POU6F1: variants seen among roughly 807,000 people sequenced by gnomAD.
POU6F1 encodes POU class 6 homeobox 1, also known as POU domain, class 6, transcription factor 1.
In POU6F1, 9 loss-of-function variants were observed where a neutral mutation model predicts 28.9. The observed-to-expected ratio is 0.31, with a 90% CI of 0.19 to 0.54. The LOEUF (loss-of-function observed/expected upper bound fraction) is 0.54, where lower values mean the gene tolerates loss of function less well. POU6F1 is among the 20% of genes least tolerant of loss of function. The pLI, the probability that POU6F1 is intolerant of heterozygous loss-of-function variation, is 0.94. For synonymous variants in POU6F1, 173 were observed against 171.1 expected, an observed-to-expected ratio of 1.01 and a Z score of -0.09; for missense variants, 338 against 426.1, an observed-to-expected ratio of 0.79 and a Z score of 1.82.
At chr12:51,192,551 G>A (rs1211279088) in intron 8 of POU6F1, 80 bp from the exon 9 acceptor site, 49 of 1,541,238 alleles carry the variant, frequency 3.2e-5, no homozygotes, top group South Asian at 1.1e-4. Context: ...ACCAGAGGCA[G>A]GGCAAAAACA....
chr12:51,194,658 A>AAAAAAAAG (rs745776880), intron 8 of POU6F1, among the ~76,000 whole-genome samples: 1 of 146,326 alleles, frequency 6.8e-6, no homozygotes. Context: ...AAAAAAAAAA[A>AAAAAAAAG]GCTCATCTGG....
intron 1 of POU6F1, among the ~76,000 whole-genome samples, chr12:51,214,520 C>T (rs971358572): frequency 2.0e-5 from 3 of 152,134 alleles, no homozygotes; most frequent in Non-Finnish European, 2.9e-5. Flanking sequence ...TGCTCCACAC[C>T]GACGCCTGTC....
intron 3 of POU6F1, among the ~76,000 whole-genome samples, 184 bp downstream of exon 3, chr12:51,203,989 C>T (rs567816939): frequency 6.6e-6 from 1 of 152,270 alleles, no homozygotes; most frequent in South Asian, 2.1e-4. Flanking sequence ...AGAACTAAAG[C>T]TCCAGAAACA....
At chr12:51,214,099 G>A (rs1206735287) in intron 1 of POU6F1, among the ~76,000 whole-genome samples, 1 of 151,892 alleles carries the variant, frequency 6.6e-6, no homozygotes, top group Admixed American at 6.6e-5. Context: ...CCGAGATCAT[G>A]CCATTGCACT....
chr12:51,196,449 C>G (rs1942833296), intron 7 of POU6F1, among the ~76,000 whole-genome samples: 1 of 152,206 alleles, frequency 6.6e-6, no homozygotes. Flanking sequence ...TTTCATTGCT[C>G]TGAACCTCAG....
intron 1 of POU6F1, among the ~76,000 whole-genome samples, chr12:51,211,567 ACT>A (rs1943990510): frequency 6.6e-6 from 1 of 151,702 alleles, no homozygotes; most frequent in South Asian, 2.1e-4. Context: ...ATGCAGGGAG[ACT>A]CTGTCTCTAC....
At position 51,198,604 on chromosome 12, in the gene POU6F1, T is replaced by C; in HGVS notation, c.538A>G (p.Thr180Ala). The C allele has an allele frequency of 2.5e-6, 1 of 399,084 alleles. No homozygotes were observed. Among genetic ancestry groups the C allele is most frequent in the Non-Finnish European group, 4.4e-6 (1 of 226,220 alleles). The allele number at this position is 399,084 out of a possible 1,614,324, so 24.7% of individuals were successfully genotyped here. Residue 180 changes from threonine (T) to alanine (A), a missense_variant, in exon 5 of 11, where the codon ACC becomes GCC. Thr to Ala is a moderately conservative substitution (Grantham distance 58). Coordinates refer to ENST00000333640, the MANE Select transcript of POU6F1 (RefSeq NM_001330422.2). ...TATVAALPGL[T>A]AASPTGGVFK... ...ACTCCCCCCGTAGGAGAAGCAGCGG[T>C]CAGTCCTGGGAGGGCAGCCACAGTT... is the stretch of plus-strand genomic sequence containing the variant.
At chr12:51,214,553 G>A (rs1254695069) in intron 1 of POU6F1, among the ~76,000 whole-genome samples, 1 of 152,172 alleles carries the variant, frequency 6.6e-6, no homozygotes, top group Non-Finnish European at 1.5e-5. Flanking sequence ...ACCATGAGCA[G>A]AGATAACAGT....
At chr12:51,198,141 G>A (rs1160511239) in intron 5 of POU6F1, 118 bp from the exon 6 acceptor site, 2 of 397,974 alleles carry the variant, frequency 5.0e-6, no homozygotes, top group Non-Finnish European at 8.8e-6. Flanking sequence ...GCTCAGTGGG[G>A]CAGGCAGCCA....
chr12:51,192,290 C>A, intron 9 of POU6F1, 40 bp downstream of exon 9: 1 of 1,605,432 alleles, frequency 6.2e-7, no homozygotes, highest in Non-Finnish European at 8.5e-7. Flanking sequence ...ACATAAATGC[C>A]TCCCCACTTC....
Position 51,196,045 on chromosome 12 carries a change from G to A in POU6F1, c.1104C>T (p.Thr368=), listed in dbSNP as rs1942799109. The change falls in exon 8 of 11, where the codon ACC becomes ACT. Residue 368 remains threonine, a synonymous_variant. Transcript: ENST00000333640. ...GTGGAGGCAGGGGGCTGCTAGCCAGGGTCGCAATCACCTGGCCCTGGGCGT... is the reference window on the plus strand; with the variant it reads ...GTGGAGGCAGGGGGCTGCTAGCCAGAGTCGCAATCACCTGGCCCTGGGCGT... ...LLNAQGQVIA[T]LASSPLPPPV... is the part of the protein sequence containing the mutation. 6.2e-7 allele frequency: 1 copy of A among 1,610,420 alleles called. No homozygotes were observed. Among genetic ancestry groups the A allele is most frequent in the Non-Finnish European group, 8.5e-7 (1 of 1,179,020 alleles).
chr12:51,206,205 C>T (rs556049642), intron 2 of POU6F1, among the ~76,000 whole-genome samples: 5 of 150,534 alleles, frequency 3.3e-5, no homozygotes, highest in Non-Finnish European at 5.9e-5. Context: ...GGGCAGATCA[C>T]GAGGTCAGGA....
rs529642113 is a variant in POU6F1, at chr12:51,217,599, C to T, written c.-48+43G>A. 1.3e-5 allele frequency: 2 copies of T among 152,188 alleles called. No homozygotes were observed. Among genetic ancestry groups the T allele is most frequent in the East Asian group, 1.9e-4 (1 of 5,200 alleles). 9.4% of individuals were successfully genotyped at this position (152,188 alleles called of 1,614,324 possible). On this transcript the variant is annotated intron_variant, in intron 1 of 10. Coordinates refer to ENST00000333640, the MANE Select transcript of POU6F1 (RefSeq NM_001330422.2). This position sits in a 1 kb window ranked among gnomAD's most constrained non-coding sequence, Gnocchi z 5.3. Reference sequence around the variant, plus strand: ...AAACCTCCCCTGCCCGGCCCCCTCCCCCTCCGTGCAAACCCCTCCCCGCCC... The same window carrying T: ...AAACCTCCCCTGCCCGGCCCCCTCCTCCTCCGTGCAAACCCCTCCCCGCCC...
intron 1 of POU6F1, among the ~76,000 whole-genome samples, chr12:51,212,018 G>A (rs1387086774): frequency 6.6e-6 from 1 of 152,068 alleles, no homozygotes; most frequent in African/African-American, 2.4e-5. Flanking sequence ...CCCTAGAATA[G>A]TCTGAGATCC....
At chr12:51,213,195 C>T (rs576434933) in intron 1 of POU6F1, among the ~76,000 whole-genome samples, 16 of 152,284 alleles carry the variant, frequency 1.1e-4, no homozygotes, top group Admixed American at 1.0e-3. Context: ...CCTTGGCCTC[C>T]CAAAGTGCTG....
At position 51,217,640 on chromosome 12, in the gene POU6F1, A is replaced by ACCGGAG. The variant is rs1555163925; in HGVS notation, c.-52_-48+1dup. 28 of 148,572 alleles carry ACCGGAG rather than the reference A, an allele frequency of 1.9e-4. No homozygotes were observed. Among genetic ancestry groups the ACCGGAG allele is most frequent in the Middle Eastern group, 6.9e-3 (2 of 288 alleles). 9.2% of individuals were successfully genotyped at this position (148,572 alleles called of 1,614,324 possible). A position where few individuals can be genotyped will look rare whatever the true frequency, so the allele number is the denominator to read the frequency against. On this transcript the variant is annotated splice_donor_variant, in intron 1 of 10. Coordinates refer to ENST00000333640, the MANE Select transcript of POU6F1 (RefSeq NM_001330422.2). LOFTEE classifies it low-confidence loss of function (5UTR_SPLICE). The surrounding 1 kb of genome is among the most constrained non-coding windows in gnomAD (Gnocchi z 5.3). ...CTCCCCGCCCCGGACCCCGCTACTTACCGGAGCCCGAGCCCGAGCCGCCTT... is the reference window on the plus strand; with the variant it reads ...CTCCCCGCCCCGGACCCCGCTACTTACCGGAGCCGGAGCCCGAGCCCGAGCCGCCTT...
rs556961339 is a variant in POU6F1 at position 51,193,349 on chromosome 12, C to T, written c.1180-878G>A. Among the ~76,000 whole-genome samples, 7 of 152,110 alleles carry T rather than the reference C, an allele frequency of 4.6e-5. No individual in the cohort carries two copies. In the East Asian group the frequency reaches 5.8e-4, roughly 13 times the overall value. ...ACGCACTTTGGGAAGCCAAAGGGGG[C>T]GGATCACCTGAAGTCAGGAGTTCAA... On this transcript the variant is annotated intron_variant, in intron 8 of 10. Transcript: ENST00000333640.
At chr12:51,212,062 GTTTT>G (rs747221114) in intron 1 of POU6F1, among the ~76,000 whole-genome samples, 4 of 138,552 alleles carry the variant, frequency 2.9e-5, no homozygotes, top group South Asian at 2.4e-4. Context: ...CTTGCCTTTC[GTTTT>G]TTTTTTTGTT....
At chr12:51,196,212 A>G (rs2137120942) in intron 7 of POU6F1, 39 bp from the exon 8 acceptor site, 1 of 1,433,284 alleles carries the variant, frequency 7.0e-7, no homozygotes, top group Non-Finnish European at 9.2e-7. Flanking sequence ...GTGTGAGGGT[A>G]GCATCCAGCT....
Sources: gnomAD v4.1 joint callset for allele counts (sites outside exome capture counted in the v4.1 genomes callset) on GRCh38, gnomAD v4.1.1 for gene constraint, Gnocchi (gnomAD v3.1) non-coding constraint, MANE v1.5 for transcripts, NCBI Gene and HGNC (gene_info 2026-07-23, HGNC 2026-07-21) for gene names.